The following ARHGAP25 variants were observed in gnomAD, a reference collection of about 807,000 sequenced individuals.
ARHGAP25 encodes Rho GTPase activating protein 25.
In ARHGAP25, 34 loss-of-function variants were observed where a neutral mutation model predicts 71.0. That is an observed-to-expected ratio of 0.48 (90% CI 0.36 to 0.64). The LOEUF is 0.64. Ranked by LOEUF, ARHGAP25 falls within the 30% of genes least tolerant of loss-of-function variation. The pLI is 0.00. For missense variants in ARHGAP25, 706 were observed against 805.1 expected, an observed-to-expected ratio of 0.88 and a Z score of 1.49; for synonymous variants, 282 against 296.5, an observed-to-expected ratio of 0.95 and a Z score of 0.50.
chr2:68,755,758 G>A (rs1676445138), intron 1 of ARHGAP25, among the ~76,000 whole-genome samples: 1 of 152,112 alleles, frequency 6.6e-6, no homozygotes, highest in Non-Finnish European at 1.5e-5. Flanking sequence ...AAAGAGGAGT[G>A]GGGGTAATGG....
intron 6 of ARHGAP25, 76 bp downstream of exon 6, chr2:68,813,495 A>T: frequency 6.5e-7 from 1 of 1,527,692 alleles, no homozygotes; most frequent in Non-Finnish European, 8.8e-7. Context: ...AGTAGGCAAC[A>T]GTGGGTCAAG....
intron 6 of ARHGAP25, chr2:68,816,042 T>C (rs1681201511): frequency 3.9e-6 from 2 of 515,282 alleles, no homozygotes; most frequent in South Asian, 3.9e-5. Flanking sequence ...AAGGGTGGGG[T>C]GCAGTGGCAT....
upstream of ARHGAP25, among the ~76,000 whole-genome samples, chr2:68,731,714 CT>C (rs1163722362): frequency 6.6e-6 from 1 of 152,010 alleles, no homozygotes; most frequent in Admixed American, 6.6e-5. Context: ...TTCCAACCCC[CT>C]TGCCTCCCTA....
At chr2:68,730,947 C>T (rs1675006975), upstream of ARHGAP25, among the ~76,000 whole-genome samples, 1 of 152,198 alleles carries the variant, frequency 6.6e-6, no homozygotes, top group African/African-American at 2.4e-5. Flanking sequence ...ATTTCCTGCT[C>T]CCACTTTACC....
In ARHGAP25 at chr2:68,826,211, G is replaced by T. The variant is rs1317859394; in HGVS notation, c.*17G>T. On this transcript the variant is annotated 3_prime_UTR_variant, in exon 11 of 11. Coordinates refer to ENST00000409202, the MANE Select transcript of ARHGAP25 (RefSeq NM_001007231.3). ...GAGGCTTAAGGGTCCCAGGAGTACT[G>T]CAGGGACAGCCCCAGAGAGGCCCAA... The T allele has an allele frequency of 6.2e-7, 1 of 1,610,154 alleles. No homozygotes were observed. The highest frequency in any genetic ancestry group is 8.5e-7 in the Non-Finnish European group (1 of 1,176,422).
At chr2:68,783,616 G>T (rs760562530) in intron 3 of ARHGAP25, among the ~76,000 whole-genome samples, 1 of 151,672 alleles carries the variant, frequency 6.6e-6, no homozygotes, top group African/African-American at 2.4e-5. Flanking sequence ...GGTGTGTGCC[G>T]CCATGCCCAG....
At chr2:68,718,353 C>T (rs531429614) in intron 2 of ARHGAP25, among the ~76,000 whole-genome samples, 1 of 152,226 alleles carries the variant, frequency 6.6e-6, no homozygotes, top group South Asian at 2.1e-4. Context: ...TTTCTTCCAT[C>T]TTTCTGAACT....
intron 3 of ARHGAP25, among the ~76,000 whole-genome samples, chr2:68,782,825 C>T (rs1191029618): frequency 6.6e-6 from 1 of 152,232 alleles, no homozygotes; most frequent in Non-Finnish European, 1.5e-5. Context: ...GTGCCTCTTT[C>T]AAATCAAGAG....
At chr2:68,729,642 G>A (rs1674966134) in intron 2 of ARHGAP25, among the ~76,000 whole-genome samples, 1 of 152,204 alleles carries the variant, frequency 6.6e-6, no homozygotes, top group Non-Finnish European at 1.5e-5. Flanking sequence ...AATGCCAACT[G>A]TTAGTGAGGC....
chr2:68,782,099 G>A, intron 2 of ARHGAP25, 134 bp from the exon 3 acceptor site: 1 of 741,286 alleles, frequency 1.3e-6, no homozygotes, highest in Non-Finnish European at 2.2e-6. Flanking sequence ...CATTAAAACT[G>A]GGAGGCTAGC....
chr2:68,822,620 T>A lies in ARHGAP25; in HGVS notation c.1481T>A (p.Leu494His), dbSNP rs1425755138. ...ACGATGTCTCAAGACTTGCGCCAAC[T>A]TTCTGACTCCCAACGGACTTCCACC... ...RRTMSQDLRQLSDSQRTSTYD... is the reference protein window; with the variant it reads ...RRTMSQDLRQHSDSQRTSTYD... Residue 494 changes from leucine to histidine, a missense_variant, in exon 10 of 11, where the codon CTT becomes CAT. By Grantham distance (99) the Leu-to-His change is moderately conservative. Transcript: ENST00000409202. 2 of 1,614,008 alleles carry A rather than the reference T, an allele frequency of 1.2e-6. No individual in the cohort carries two copies. The highest frequency in any genetic ancestry group is 2.2e-5 in the South Asian group (2 of 91,088).
chr2:68,779,806 A>C (rs747010559), intron 2 of ARHGAP25, among the ~76,000 whole-genome samples: 2 of 152,064 alleles, frequency 1.3e-5, no homozygotes, highest in African/African-American at 2.4e-5. Context: ...TTCCTTCCCT[A>C]TCAGTGTCCC....
intron 2 of ARHGAP25, among the ~76,000 whole-genome samples, chr2:68,781,229 A>G (rs1558633030): frequency 6.6e-6 from 1 of 152,142 alleles, no homozygotes; most frequent in African/African-American, 2.4e-5. Context: ...CCACTAAAAA[A>G]AATACAAAAA....
rs7567011 is a variant in ARHGAP25 at position 68,824,546 on chromosome 2, T to G, written c.1734-1441T>G. 6.7e-3 allele frequency among the ~76,000 whole-genome samples: 1,027 copies of G among 152,220 alleles called. 7 individuals carry two copies. The highest frequency in any genetic ancestry group is 0.023 in the African/African-American group (941 of 41,544). On this transcript the variant is annotated intron_variant, in intron 10 of 10. Transcript: ENST00000409202. The stretch of plus-strand genomic sequence containing the variant: ...TCACGAGGTCAGGAGATCGAGACCA[T>G]CCTGGCTAACACGGTGAAACCATGT...
At chr2:68,815,112 G>C (rs1326956786) in intron 6 of ARHGAP25, among the ~76,000 whole-genome samples, 1 of 152,216 alleles carries the variant, frequency 6.6e-6, no homozygotes, top group Non-Finnish European at 1.5e-5. Context: ...CTTTAGACTT[G>C]CTTCTCCCAG....
At chr2:68,766,920 T>C (rs1316918547) in intron 1 of ARHGAP25, among the ~76,000 whole-genome samples, 2 of 152,212 alleles carry the variant, frequency 1.3e-5, no homozygotes, top group Non-Finnish European at 2.9e-5. Flanking sequence ...CAAGCCCCTT[T>C]CCAAAGCAGA....
chr2:68,809,276 C>G (rs947025763), intron 5 of ARHGAP25, among the ~76,000 whole-genome samples: 1 of 152,102 alleles, frequency 6.6e-6, no homozygotes, highest in Non-Finnish European at 1.5e-5. Context: ...GAGGGCTGTG[C>G]CCCGCAATGG....
intron 2 of ARHGAP25, among the ~76,000 whole-genome samples, chr2:68,776,258 G>C (rs1677908494): frequency 7.4e-6 from 1 of 135,054 alleles, no homozygotes; most frequent in Non-Finnish European, 1.6e-5. Context: ...TCAGGGGTCA[G>C]GGGCACAGAC....
intron 2 of ARHGAP25, among the ~76,000 whole-genome samples, chr2:68,777,923 T>C (rs917355097): frequency 2.6e-5 from 4 of 152,134 alleles, no homozygotes; most frequent in African/African-American, 9.7e-5. Flanking sequence ...AACTCATCTA[T>C]TGTAAATGCA....
Sources: allele counts gnomAD v4.1 joint callset (sites outside exome capture counted in the v4.1 genomes callset), GRCh38; gene constraint gnomAD v4.1.1; transcripts MANE v1.5; gene names NCBI Gene and HGNC (gene_info 2026-07-23, HGNC 2026-07-21).